PPP1R1C: variants seen among roughly 807,000 people sequenced by gnomAD.
PPP1R1C encodes the protein protein phosphatase 1 regulatory inhibitor subunit 1C, also known as protein phosphatase 1 regulatory subunit 1C.
Under a neutral mutation model 17.4 loss-of-function variants are expected in PPP1R1C, and 15 were observed. The ratio of observed to expected loss-of-function variants is 0.86; its 90% CI spans 0.58 to 1.33. The LOEUF is 1.33. Among genes scored for constraint, PPP1R1C ranks in the 40% most tolerant of loss-of-function variants. The pLI, the probability that PPP1R1C is intolerant of heterozygous loss-of-function variation, is 0.00. For synonymous variants in PPP1R1C, 35 were observed against 43.1 expected, an observed-to-expected ratio of 0.81 and a Z score of 0.73; for missense variants, 143 against 130.0, an observed-to-expected ratio of 1.10 and a Z score of -0.48.
At chr2:182,006,322 C>G (rs980207674) in intron 2 of PPP1R1C, among the ~76,000 whole-genome samples, 1 of 152,130 alleles carries the variant, frequency 6.6e-6, no homozygotes, top group African/African-American at 2.4e-5. Flanking sequence ...CCTTTGAAGA[C>G]TCTTAAAAAT....
chr2:182,087,779 C>T (rs1412481568), intron 4 of PPP1R1C, among the ~76,000 whole-genome samples: 7 of 152,146 alleles, frequency 4.6e-5, no homozygotes, highest in African/African-American at 7.2e-5. Context: ...GTTGTTCAAC[C>T]GTGACACAAC....
chr2:182,082,594 C>T (rs1020309816), intron 4 of PPP1R1C, among the ~76,000 whole-genome samples: 2 of 152,076 alleles, frequency 1.3e-5, no homozygotes, highest in African/African-American at 4.8e-5. Context: ...TTCGCTGGCT[C>T]TGCATCTGAG....
upstream of PPP1R1C, among the ~76,000 whole-genome samples, chr2:181,982,178 A>G (rs1446952316): frequency 6.6e-6 from 1 of 152,180 alleles, no homozygotes; most frequent in Non-Finnish European, 1.5e-5. Flanking sequence ...CAAAGAAAGC[A>G]CTTGTTAATA....
chr2:182,122,861 A>T (rs569873999), intron 5 of PPP1R1C, among the ~76,000 whole-genome samples: 13 of 152,128 alleles, frequency 8.5e-5, no homozygotes, highest in African/African-American at 2.9e-4. Flanking sequence ...TATTTATTTT[A>T]GTTTATTATT....
At chr2:182,094,161 A>G (rs1688864221) in intron 4 of PPP1R1C, among the ~76,000 whole-genome samples, 1 of 152,198 alleles carries the variant, frequency 6.6e-6, no homozygotes, top group Admixed American at 6.5e-5. Context: ...GGCAAGGAGG[A>G]GCAAGTCACA....
chr2:182,105,082 A>G (rs1336650829), intron 4 of PPP1R1C, among the ~76,000 whole-genome samples: 1 of 152,156 alleles, frequency 6.6e-6, no homozygotes, highest in African/African-American at 2.4e-5. Context: ...GAGGGGTGGA[A>G]AAAAAATGAA....
At chr2:182,108,100 A>G (rs1198745605) in intron 4 of PPP1R1C, among the ~76,000 whole-genome samples, 7 of 152,014 alleles carry the variant, frequency 4.6e-5, no homozygotes, top group African/African-American at 1.7e-4. Flanking sequence ...TCCTGTTTGG[A>G]TGGAAATGTT....
At chr2:181,979,149 G>A (rs1452571047) in intron 2 of PPP1R1C, among the ~76,000 whole-genome samples, 1 of 152,088 alleles carries the variant, frequency 6.6e-6, no homozygotes, top group Non-Finnish European at 1.5e-5. Context: ...TTTCCATCTA[G>A]ATAACATACT....
chr2:182,110,229 C>T (rs1000939688), intron 4 of PPP1R1C, among the ~76,000 whole-genome samples: 9 of 151,830 alleles, frequency 5.9e-5, no homozygotes, highest in African/African-American at 1.4e-4. Flanking sequence ...CTCTGTACTC[C>T]GTATTTATAT....
intron 2 of PPP1R1C, among the ~76,000 whole-genome samples, chr2:182,015,252 G>A (rs539849190): frequency 7.2e-5 from 11 of 152,290 alleles, no homozygotes; most frequent in African/African-American, 1.7e-4. Context: ...TACTGTTCTC[G>A]TAGTAGTGAA....
Position 181,957,866 on chromosome 2 carries a change from A to G in PPP1R1C, n.111+3232A>G, listed in dbSNP as rs1401038584. Among the ~76,000 whole-genome samples the G allele has an allele frequency of 6.6e-6, 1 of 152,228 alleles. No individual in the cohort carries two copies. The highest frequency in any genetic ancestry group is 6.5e-5 in the Admixed American group (1 of 15,286). ...GCTAATCTTGCCATTGCATTTCGCT[A>G]AAGTGCAAATAATTGATAAATGATT... On this transcript the variant is annotated intron_variant and non_coding_transcript_variant, in intron 1 of 5. Coordinates refer to the PPP1R1C transcript ENST00000464264. This position sits in a 1 kb window ranked among gnomAD's most constrained non-coding sequence, Gnocchi z 4.2.
At chr2:181,975,003 T>A (rs1574346670) in intron 1 of PPP1R1C, among the ~76,000 whole-genome samples, 1 of 152,154 alleles carries the variant, frequency 6.6e-6, no homozygotes, top group East Asian at 1.9e-4. Context: ...CCACTAAAAT[T>A]CTGATGACTG....
At chr2:181,963,337 T>C (rs897970086) in intron 1 of PPP1R1C, among the ~76,000 whole-genome samples, 3 of 152,114 alleles carry the variant, frequency 2.0e-5, no homozygotes, top group Non-Finnish European at 2.9e-5. Context: ...ATACCAAGGA[T>C]AAATATGAAA....
intron 2 of PPP1R1C, among the ~76,000 whole-genome samples, chr2:182,019,992 G>A (rs1243807277): frequency 6.6e-6 from 1 of 152,190 alleles, no homozygotes; most frequent in Non-Finnish European, 1.5e-5. Context: ...TAAGAAATCA[G>A]TTCCCTGAAA....
At chr2:182,004,613 T>A (rs999003324) in intron 2 of PPP1R1C, among the ~76,000 whole-genome samples, 2 of 152,204 alleles carry the variant, frequency 1.3e-5, no homozygotes, top group African/African-American at 4.8e-5. Context: ...TGTGGCATGG[T>A]GTGCCATTAG....
chr2:182,034,074 A>G (rs763798076), intron 2 of PPP1R1C, among the ~76,000 whole-genome samples: 3 of 152,142 alleles, frequency 2.0e-5, no homozygotes, highest in Admixed American at 6.6e-5. Flanking sequence ...TTTTGACCCC[A>G]TGAGCACACC....
At chr2:182,001,537 G>A (rs1282770044) in intron 2 of PPP1R1C, among the ~76,000 whole-genome samples, 6 of 152,080 alleles carry the variant, frequency 3.9e-5, no homozygotes, top group Non-Finnish European at 7.4e-5. Flanking sequence ...CTGTCCTACT[G>A]GATGGTCATA....
chr2:181,991,378 A>G (rs985039607), intron 2 of PPP1R1C, among the ~76,000 whole-genome samples: 1 of 152,190 alleles, frequency 6.6e-6, no homozygotes, highest in African/African-American at 2.4e-5. Flanking sequence ...TCTCAGCAGT[A>G]GAAGCACTAT....
downstream of PPP1R1C, among the ~76,000 whole-genome samples, chr2:182,120,021 A>G (rs1166071084): frequency 3.9e-5 from 6 of 152,190 alleles, no homozygotes; most frequent in South Asian, 1.0e-3. Flanking sequence ...GTTTTCTTCT[A>G]GGGTTTTTAT....
Sources: gnomAD v4.1 joint callset for allele counts (sites outside exome capture counted in the v4.1 genomes callset) on GRCh38, gnomAD v4.1.1 for gene constraint, Gnocchi (gnomAD v3.1) non-coding constraint, MANE v1.5 for transcripts, NCBI Gene and HGNC (gene_info 2026-07-23, HGNC 2026-07-21) for gene names.